Variants in PRPF18 observed in about 807,000 individuals in gnomAD.
PRPF18 encodes pre-mRNA processing factor 18.
In PRPF18, 38 loss-of-function variants were observed where a neutral mutation model predicts 46.5. The observed-to-expected ratio is 0.82, with a 90% CI of 0.63 to 1.07. PRPF18 has a LOEUF of 1.07. PRPF18 is among the 50% of genes least tolerant of loss of function. PRPF18 has a pLI of 0.00. For synonymous variants in PRPF18, 152 were observed against 146.7 expected, an observed-to-expected ratio of 1.04 and a Z score of -0.26; for missense variants, 263 against 410.0, an observed-to-expected ratio of 0.64 and a Z score of 3.10.
At chr10:13,631,814 T>C (rs879570477), downstream of PRPF18, 5 of 152,296 alleles carry the variant, frequency 3.3e-5, no homozygotes, top group Admixed American at 1.3e-4. Flanking sequence ...AAGCTAGATG[T>C]CACCAAGTAG....
At chr10:13,592,139 C>T (rs1386237674) in intron 1 of PRPF18, 4 of 596,668 alleles carry the variant, frequency 6.7e-6, no homozygotes, top group African/African-American at 5.7e-5. Context: ...TTCTGGAATA[C>T]ATAGCACATC....
intron 1 of PRPF18, among the ~76,000 whole-genome samples, chr10:13,588,294 C>T (rs895303917): frequency 3.3e-5 from 5 of 152,098 alleles, no homozygotes; most frequent in Admixed American, 3.3e-4. Flanking sequence ...GTAATCCCAG[C>T]TACTCAGGAG....
chr10:13,638,299 C>CTT, the PRPF18 span, among the ~76,000 whole-genome samples: 482 of 125,014 alleles, frequency 3.9e-3, 4 homozygotes, highest in African/African-American at 9.6e-3. Flanking sequence ...CTTGGCTTTT[C>CTT]TTTTTTTTTT....
chr10:13,597,779 C>A, intron 2 of PRPF18: 3 of 826,082 alleles, frequency 3.6e-6, no homozygotes, highest in Non-Finnish European at 5.4e-6. Context: ...CATGAAGTGG[C>A]TTGAGATCAA....
rs368577322 is a variant in PRPF18 at position 13,613,060 on chromosome 10, G to A, written c.580-681G>A. 1.1e-3 allele frequency among the ~76,000 whole-genome samples: 164 copies of A among 152,334 alleles called. 6 individuals are homozygous for A. In the South Asian group the frequency reaches 0.033, roughly 31 times the overall value. ...AATATATTGAGGATACAGCATGGAA[G>A]TAGATAGGGCATAAGAATTAGTATG... On this transcript the variant is annotated intron_variant, in intron 6 of 9. Coordinates refer to ENST00000378572, the MANE Select transcript of PRPF18 (RefSeq NM_003675.4).
the PRPF18 span, among the ~76,000 whole-genome samples, chr10:13,648,426 A>T: frequency 6.6e-6 from 1 of 151,894 alleles, no homozygotes; most frequent in Admixed American, 6.6e-5. Context: ...TCTTAGGGGG[A>T]CAGTCTCTCC....
intron 2 of PRPF18, among the ~76,000 whole-genome samples, chr10:13,599,491 A>T (rs1038955581): frequency 6.6e-6 from 1 of 152,036 alleles, no homozygotes; most frequent in Admixed American, 6.6e-5. Context: ...TTTTTTATAG[A>T]CTCCACAAAG....
At chr10:13,612,681 G>A (rs1308355883) in intron 6 of PRPF18, among the ~76,000 whole-genome samples, 1 of 141,526 alleles carries the variant, frequency 7.1e-6, no homozygotes, top group Admixed American at 7.6e-5. Context: ...TGCCTAGGCT[G>A]GAGTGCAGTG....
At chr10:13,614,609 G>A (rs569241165) in intron 8 of PRPF18, among the ~76,000 whole-genome samples, 172 of 152,292 alleles carry the variant, frequency 1.1e-3, no homozygotes, top group African/African-American at 3.7e-3. Flanking sequence ...CCATTTCAGC[G>A]TTGCAGACCC....
intron 1 of PRPF18, chr10:13,591,902 G>T (rs1480820270): frequency 7.1e-7 from 1 of 1,417,802 alleles, no homozygotes. Flanking sequence ...ATGCTGGTTC[G>T]CAGTTTTCTC....
chr10:13,611,846 TAGTA>T (rs1200631600), intron 6 of PRPF18, among the ~76,000 whole-genome samples, 163 bp downstream of exon 6: 5 of 151,944 alleles, frequency 3.3e-5, no homozygotes, highest in Admixed American at 6.6e-5. Flanking sequence ...ATGTAGCAGT[TAGTA>T]AGAGAAAATG....
chr10:13,655,545 TA>T, the PRPF18 span: 2 of 98,864 alleles, frequency 2.0e-5, no homozygotes, highest in Admixed American at 1.8e-4. Context: ...CAGTGGACCC[TA>T]ATAAACGTCC....
chr10:13,611,961 C>T lies in PRPF18; in HGVS notation c.579+278C>T, dbSNP rs1179395014. The stretch of plus-strand genomic sequence containing the variant: ...GTGGTGTAATCTCAGCTCACTGCAA[C>T]CTCCACCTCCCGGGTTCAAGTGATT... On this transcript the variant is annotated intron_variant, in intron 6 of 9. Coordinates refer to ENST00000378572, the MANE Select transcript of PRPF18 (RefSeq NM_003675.4). 2.6e-5 allele frequency among the ~76,000 whole-genome samples: 4 copies of T among 151,050 alleles called. No homozygotes were observed. The South Asian group carries it at 6.3e-4, about 24-fold the overall frequency.
At chr10:13,652,903 T>G in the PRPF18 span, 2 of 152,130 alleles carry the variant, frequency 1.3e-5, no homozygotes, top group Non-Finnish European at 2.9e-5. Flanking sequence ...CTCGTGCTGC[T>G]GGCTTTGGGA....
chr10:13,627,146 A>C (rs1228532473), intron 9 of PRPF18, among the ~76,000 whole-genome samples: 1 of 152,190 alleles, frequency 6.6e-6, no homozygotes, highest in Non-Finnish European at 1.5e-5. Context: ...TAGTTCACAG[A>C]GTCCAAGCCA....
At chr10:13,645,794 C>CT in the PRPF18 span, 4 of 152,628 alleles carry the variant, frequency 2.6e-5, no homozygotes, top group Admixed American at 1.3e-4. Flanking sequence ...CACACAAGTG[C>CT]TAACGAACAG....
chr10:13,624,534 C>T (rs1053505064), intron 9 of PRPF18, among the ~76,000 whole-genome samples: 2 of 152,172 alleles, frequency 1.3e-5, no homozygotes, highest in African/African-American at 4.8e-5. Context: ...TGGGGCTCCC[C>T]GCCCTCCTCC....
In PRPF18 at chr10:13,611,607, T is replaced by G. The variant is rs2080269820; in HGVS notation, c.511-8T>G. 1 of 1,612,568 alleles carries G rather than the reference T, an allele frequency of 6.2e-7. No individual in the cohort carries two copies. The highest frequency in any genetic ancestry group is 1.1e-5 in the South Asian group (1 of 91,020). On this transcript the variant is annotated splice_polypyrimidine_tract_variant and splice_region_variant and intron_variant, in intron 5 of 9. Coordinates refer to ENST00000378572, the MANE Select transcript of PRPF18 (RefSeq NM_003675.4). ...TAATGAACAGAAGCATTGTTTCTTT[T>G]TCTTCAGGCGCTTGGAGAGTCCTTA...
chr10:13,649,370 T>A, the PRPF18 span: 1 of 126,926 alleles, frequency 7.9e-6, no homozygotes, highest in African/African-American at 2.7e-5. Context: ...TGGCCCATGG[T>A]GTTCTCCTGT....
Sources: allele counts gnomAD v4.1 joint callset (sites outside exome capture counted in the v4.1 genomes callset), GRCh38; gene constraint gnomAD v4.1.1; transcripts MANE v1.5; gene names NCBI Gene and HGNC (gene_info 2026-07-23, HGNC 2026-07-21).